KLC1: variants seen among roughly 807,000 people sequenced by gnomAD.
KLC1 encodes the protein kinesin 2 60/70kDa.
KLC1 carries 30 observed loss-of-function variants against 84.2 expected under a neutral mutation model. The ratio of observed to expected loss-of-function variants is 0.36; its 90% CI spans 0.27 to 0.48. The LOEUF (loss-of-function observed/expected upper bound fraction) is 0.48. KLC1 is among the 20% of genes least tolerant of loss of function. The pLI, the probability that KLC1 is intolerant of heterozygous loss-of-function variation, is 0.99. For missense variants in KLC1, 499 were observed against 805.4 expected (o/e 0.62, Z 4.60); for synonymous variants, 289 against 293.3 (o/e 0.99, Z 0.15).
intron 3 of KLC1, 98 bp from the exon 4 acceptor site, chr14:103,662,017 TA>T: frequency 1.2e-6 from 1 of 800,204 alleles, no homozygotes; most frequent in East Asian, 2.5e-5. Flanking sequence ...TCATCTTTTC[TA>T]AGATTCTTAG....
intron 13 of KLC1, chr14:103,686,270 T>C: frequency 2.1e-6 from 2 of 973,884 alleles, no homozygotes; most frequent in Non-Finnish European, 2.4e-6. Context: ...TCTCACTCTT[T>C]ATCCATGAAA....
At chr14:103,660,648 T>C (rs996544222) in intron 3 of KLC1, among the ~76,000 whole-genome samples, 38 of 151,496 alleles carry the variant, frequency 2.5e-4, no homozygotes, top group Non-Finnish European at 4.9e-4. Flanking sequence ...AAAAATTAGC[T>C]GGGTGTGGTA....
chr14:103,635,137 A>G (rs1388088533), intron 1 of KLC1, among the ~76,000 whole-genome samples: 1 of 152,258 alleles, frequency 6.6e-6, no homozygotes, highest in African/African-American at 2.4e-5. Context: ...TGGAGCAAAC[A>G]TGTTAAGCTG....
At position 103,645,780 on chromosome 14, in the gene KLC1, CAG is replaced by C. The variant is rs375036642; in HGVS notation, c.-1-8781_-1-8780del. Among the ~76,000 whole-genome samples, 1,417 of 141,962 alleles carry C rather than the reference CAG, an allele frequency of 1.0e-2. 24 individuals are homozygous for C. The highest frequency in any genetic ancestry group is 0.034 in the African/African-American group (1,333 of 38,860). 93.1% of individuals were successfully genotyped at this position (141,962 alleles called of 152,430 possible). A position where few individuals can be genotyped will look rare whatever the true frequency, so the allele number is the denominator to read the frequency against. On this transcript the variant is annotated intron_variant, in intron 1 of 16. Transcript: ENST00000334553. Reference sequence around the variant, plus strand: ...TACAATCCTTTTTTTTTTTTTGAGACAGAGTCTCGCTCTGTTGCCCAGGCTGG... The same window carrying C: ...TACAATCCTTTTTTTTTTTTTGAGACAGTCTCGCTCTGTTGCCCAGGCTGG...
intron 6 of KLC1, 125 bp downstream of exon 6, chr14:103,669,723 G>A: frequency 1.5e-6 from 1 of 684,118 alleles, no homozygotes. Flanking sequence ...CCTAGATGGT[G>A]CAGGTAGGAG....
At chr14:103,677,625 GT>G in intron 12 of KLC1, 102 bp downstream of exon 12, 1 of 763,722 alleles carries the variant, frequency 1.3e-6, no homozygotes, top group South Asian at 1.5e-5. Flanking sequence ...AATAGAAAAT[GT>G]TGATTATTTT....
chr14:103,636,112 G>A (rs534568324), intron 1 of KLC1, among the ~76,000 whole-genome samples: 23 of 152,140 alleles, frequency 1.5e-4, no homozygotes, highest in African/African-American at 5.3e-4. Context: ...CTTTCATCTG[G>A]CAGCGCTGAG....
Position 103,657,720 on chromosome 14 carries a change from A to C in KLC1, c.436A>C (p.Lys146Gln), listed in dbSNP as rs2078933993. Residue 146 changes from lysine to glutamine, a missense_variant, in exon 3 of 17, where the codon AAG (lysine) becomes CAG (glutamine). By Grantham distance (53) the Lys-to-Gln change is moderately conservative. Transcript: ENST00000334553. ...QSVAQLEEEK[K>Q]HLEFMNQLKK... is the part of the protein sequence containing the mutation. Reference sequence around the variant, plus strand: ...TGTGGCTCAACTGGAGGAGGAGAAGAAGCATCTGGAGTTTATGAATCAGCT... The same window carrying C: ...TGTGGCTCAACTGGAGGAGGAGAAGCAGCATCTGGAGTTTATGAATCAGCT... 1.2e-5 allele frequency: 20 copies of C among 1,614,182 alleles called. No homozygotes were observed. The highest frequency in any genetic ancestry group is 1.7e-5 in the Non-Finnish European group (20 of 1,180,030).
At chr14:103,632,386 C>G (rs1022625083) in intron 1 of KLC1, among the ~76,000 whole-genome samples, 5 of 151,338 alleles carry the variant, frequency 3.3e-5, no homozygotes, top group Admixed American at 2.6e-4. Context: ...GATCACGTCA[C>G]TGCAGTCCAG....
intron 1 of KLC1, among the ~76,000 whole-genome samples, chr14:103,649,172 C>T (rs1256172563): frequency 6.6e-6 from 1 of 151,914 alleles, no homozygotes; most frequent in Non-Finnish European, 1.5e-5. Flanking sequence ...TGACAATTGC[C>T]TATACTCCTA....
At chr14:103,698,609 C>T (rs1165206221) in intron 15 of KLC1, 1 of 626,026 alleles carries the variant, frequency 1.6e-6, no homozygotes, top group Non-Finnish European at 2.8e-6. Context: ...GGCAGAACAT[C>T]CCCCCAGCTC....
At chr14:103,676,929 A>C (rs758429403) in intron 11 of KLC1, among the ~76,000 whole-genome samples, 1 of 152,212 alleles carries the variant, frequency 6.6e-6, no homozygotes, top group Non-Finnish European at 1.5e-5. Context: ...TCCCTGGTAC[A>C]TGAAGCATTT....
intron 1 of KLC1, among the ~76,000 whole-genome samples, chr14:103,653,993 CTGGTGGTG>C (rs1169958750): frequency 6.6e-6 from 1 of 152,180 alleles, no homozygotes; most frequent in Non-Finnish European, 1.5e-5. Flanking sequence ...GGGCCTGGCC[CTGGTGGTG>C]CTTCGCTGTG....
At chr14:103,650,581 CTTT>C (rs530758320) in intron 1 of KLC1, among the ~76,000 whole-genome samples, 5 of 135,836 alleles carry the variant, frequency 3.7e-5, no homozygotes, top group Non-Finnish European at 3.1e-5. Context: ...AGCCTGTATA[CTTT>C]TTTTTTTTTT....
At chr14:103,695,271 G>T (rs1291612484) in intron 15 of KLC1, 1 of 651,800 alleles carries the variant, frequency 1.5e-6, no homozygotes. Context: ...GAACAGCTTG[G>T]GCAACACAGC....
Position 103,662,766 on chromosome 14 carries a change from G to T in KLC1, c.636G>T (p.Arg212=). ...AQQGGYEIPA[R]LRTLHNLVIQ... ...AGGGCGGCTACGAGATCCCCGCGCGGCTGCGGACGCTCCACAACCTGGTGA... is the reference window on the plus strand; with the variant it reads ...AGGGCGGCTACGAGATCCCCGCGCGTCTGCGGACGCTCCACAACCTGGTGA... Residue 212 remains arginine (R), a synonymous_variant, in exon 5 of 17, where the codon CGG becomes CGT. Transcript: ENST00000334553. 3 of 1,611,958 alleles carry T rather than the reference G, an allele frequency of 1.9e-6. No homozygotes were observed. Among genetic ancestry groups the T allele is most frequent in the Non-Finnish European group, 2.5e-6 (3 of 1,179,464 alleles).
intron 5 of KLC1, among the ~76,000 whole-genome samples, chr14:103,663,166 G>A (rs2079436423): frequency 6.7e-6 from 1 of 148,656 alleles, no homozygotes; most frequent in African/African-American, 2.5e-5. Flanking sequence ...TGCAAGCTCC[G>A]CCTCCCGGGT....
intron 5 of KLC1, among the ~76,000 whole-genome samples, chr14:103,665,596 C>A (rs1179628740): frequency 1.3e-5 from 2 of 151,674 alleles, no homozygotes; most frequent in African/African-American, 4.8e-5. Context: ...CACCAAGCCC[C>A]GCTAATTTTT....
At chr14:103,683,937 G>A (rs941302332) in intron 13 of KLC1, 2 of 152,242 alleles carry the variant, frequency 1.3e-5, no homozygotes, top group Admixed American at 6.5e-5. Context: ...CAGGACTTTG[G>A]GAGGCCGAGG....
Sources: allele counts gnomAD v4.1 joint callset (sites outside exome capture counted in the v4.1 genomes callset), GRCh38; gene constraint gnomAD v4.1.1; transcripts MANE v1.5; gene names NCBI Gene and HGNC (gene_info 2026-07-23, HGNC 2026-07-21).